Variants in CADM1 observed in about 807,000 individuals in gnomAD.
CADM1 encodes TSLC-1.
A neutral mutation model predicts 53.1 loss-of-function variants in CADM1; 15 were observed. The observed-to-expected ratio is 0.28, with a 90% CI of 0.19 to 0.44. The LOEUF (loss-of-function observed/expected upper bound fraction) is 0.44, where lower values mean the gene tolerates loss of function less well. CADM1 is among the 20% of genes least tolerant of loss of function. The probability of loss-of-function intolerance (pLI) is 1.00; values close to 1 mark genes in which losing one functional copy is unlikely to be tolerated. For synonymous variants in CADM1, 281 were observed against 243.0 expected (o/e 1.16, Z -1.45); for missense variants, 434 against 611.3 (o/e 0.71, Z 3.06).
intron 8 of CADM1, 140 bp downstream of exon 8, chr11:115,209,429 CATAGT>C: frequency 8.3e-7 from 1 of 1,202,418 alleles, no homozygotes; most frequent in Non-Finnish European, 1.2e-6. Context: ...AACTTAAGAA[CATAGT>C]ATCTAATGTC....
chr11:115,350,329 G>A (rs1945695593), intron 1 of CADM1, among the ~76,000 whole-genome samples: 1 of 152,140 alleles, frequency 6.6e-6, no homozygotes, highest in Admixed American at 6.5e-5. Context: ...GCAAATGCAT[G>A]CTATTGGTCA....
chr11:115,192,496 T>TA (rs1939925672), intron 9 of CADM1, among the ~76,000 whole-genome samples: 1 of 152,220 alleles, frequency 6.6e-6, no homozygotes, highest in South Asian at 2.1e-4. Flanking sequence ...TTATACATTG[T>TA]ATAAAGACTG....
intron 1 of CADM1, among the ~76,000 whole-genome samples, chr11:115,323,908 A>G (rs1442694879): frequency 1.4e-5 from 2 of 147,398 alleles, no homozygotes; most frequent in Non-Finnish European, 3.0e-5. Flanking sequence ...AAAAAGTGGG[A>G]TCAATCTAAT....
intron 1 of CADM1, among the ~76,000 whole-genome samples, chr11:115,264,545 A>G (rs1039409083): frequency 2.6e-5 from 4 of 152,184 alleles, no homozygotes; most frequent in African/African-American, 9.7e-5. Flanking sequence ...TCAGAGACCT[A>G]GTTTTTCCAT....
intron 1 of CADM1, among the ~76,000 whole-genome samples, chr11:115,434,863 A>T (rs11215555): frequency 0.55 from 70,124 of 128,260 alleles, 20,528 homozygotes; most frequent in Non-Finnish European, 0.67. Context: ...TATTATTATT[A>T]TTTTTTTTTT....
At chr11:115,417,292 C>T (rs1045299960) in intron 1 of CADM1, among the ~76,000 whole-genome samples, 1 of 152,134 alleles carries the variant, frequency 6.6e-6, no homozygotes, top group East Asian at 1.9e-4. Flanking sequence ...GGGAGCTCAC[C>T]GTTTACGGGA....
At position 115,380,085 on chromosome 11, in the gene CADM1, G is replaced by A. The variant is rs990830693; in HGVS notation, c.124+124186C>T. ...TTCCTAGGGTTTACAGCCCCTTCGCGTTTAAAACCAGAGCATCCAGATGCT... is the reference window on the plus strand; with the variant it reads ...TTCCTAGGGTTTACAGCCCCTTCGCATTTAAAACCAGAGCATCCAGATGCT... On this transcript the variant is annotated intron_variant, in intron 1 of 11. Coordinates refer to ENST00000331581, the MANE Select transcript of CADM1 (RefSeq NM_001301043.2). Among the ~76,000 whole-genome samples the A allele has an allele frequency of 2.6e-5, 4 of 152,060 alleles. 1 individual carries two copies. The highest frequency in any genetic ancestry group is 6.3e-3 in the Middle Eastern group (2 of 316).
intron 1 of CADM1, among the ~76,000 whole-genome samples, chr11:115,296,657 A>C (rs577140887): frequency 6.6e-6 from 1 of 152,298 alleles, no homozygotes; most frequent in Non-Finnish European, 1.5e-5. Context: ...CATGCCCTTA[A>C]ACTTCCTAGC....
chr11:115,283,439 T>C (rs1327633240), intron 1 of CADM1, among the ~76,000 whole-genome samples: 3 of 151,954 alleles, frequency 2.0e-5, no homozygotes, highest in African/African-American at 2.4e-5. Flanking sequence ...ATAGAAGGTA[T>C]TGGAAGGAAC....
At chr11:115,318,473 A>C (rs1055936553) in intron 1 of CADM1, among the ~76,000 whole-genome samples, 1 of 152,146 alleles carries the variant, frequency 6.6e-6, no homozygotes, top group African/African-American at 2.4e-5. Flanking sequence ...CTATTTGGGG[A>C]ATAGTGAATT....
chr11:115,175,664 GGGTATCTATACTGAGCC>G lies in CADM1; in HGVS notation c.*793_*809del, dbSNP rs1470805941. The G allele has an allele frequency of 8.1e-6, 8 of 985,952 alleles. No individual in the cohort carries two copies. Among genetic ancestry groups the G allele is most frequent in the Non-Finnish European group, 9.6e-6 (8 of 830,264 alleles). The allele number at this position is 985,952 out of a possible 1,614,324, so 61.1% of individuals were successfully genotyped here. Reference sequence around the variant, plus strand: ...GCCCCAAACCTTTCTGGACAGCGTAGGGTATCTATACTGAGCCGTCTACAGATACAGAATTAAAGACA... The same window carrying G: ...GCCCCAAACCTTTCTGGACAGCGTAGGTCTACAGATACAGAATTAAAGACA... On this transcript the variant is annotated 3_prime_UTR_variant, in exon 12 of 12. Coordinates refer to ENST00000331581, the MANE Select transcript of CADM1 (RefSeq NM_001301043.2).
chr11:115,282,384 G>A (rs189742206), intron 1 of CADM1, among the ~76,000 whole-genome samples: 88 of 152,222 alleles, frequency 5.8e-4, no homozygotes, highest in Non-Finnish European at 1.1e-3. Flanking sequence ...AAAATGTGAC[G>A]TGATGACCTA....
chr11:115,182,964 T>C (rs1939380635), intron 10 of CADM1, among the ~76,000 whole-genome samples: 1 of 152,186 alleles, frequency 6.6e-6, no homozygotes, highest in Admixed American at 6.5e-5. Context: ...GGGTCACAGC[T>C]TCAACAACCC....
At chr11:115,271,561 C>T (rs1353332753) in intron 1 of CADM1, among the ~76,000 whole-genome samples, 1 of 152,194 alleles carries the variant, frequency 6.6e-6, no homozygotes, top group Non-Finnish European at 1.5e-5. Flanking sequence ...GGATTACAGG[C>T]GTGAGCCACC....
intron 1 of CADM1, among the ~76,000 whole-genome samples, chr11:115,245,971 A>C (rs1048204739): frequency 6.6e-6 from 1 of 152,230 alleles, no homozygotes; most frequent in Non-Finnish European, 1.5e-5. Flanking sequence ...AAAATAAATT[A>C]TTCGAAGTTC....
intron 1 of CADM1, among the ~76,000 whole-genome samples, chr11:115,302,545 A>G (rs4938198): frequency 0.053 from 8,011 of 152,182 alleles, 301 homozygotes; most frequent in East Asian, 0.14. Flanking sequence ...TGTGAAGTTT[A>G]TAGTATGTGT....
At chr11:115,196,256 A>C (rs1022882770) in intron 9 of CADM1, among the ~76,000 whole-genome samples, 6 of 152,146 alleles carry the variant, frequency 3.9e-5, no homozygotes, top group African/African-American at 1.2e-4. Context: ...GACCCGATTA[A>C]AACTAGTACT....
chr11:115,334,870 C>A (rs1046633914), intron 1 of CADM1, among the ~76,000 whole-genome samples: 13 of 152,114 alleles, frequency 8.5e-5, no homozygotes, highest in African/African-American at 3.1e-4. Context: ...AGACTGGCCC[C>A]AAACCAATGT....
At position 115,191,348 on chromosome 11, in the gene CADM1, C is replaced by T. The variant is rs531511901; in HGVS notation, c.1112-407G>A. Among the ~76,000 whole-genome samples the T allele has an allele frequency of 1.5e-4, 23 of 152,220 alleles. No individual in the cohort carries two copies. The South Asian group carries it at 3.1e-3, about 21-fold the overall frequency. The stretch of plus-strand genomic sequence containing the variant: ...TCGCATTTTACTGTAAATTGAAATC[C>T]GCTGCCAATACTGACAAACACAGTT... On this transcript the variant is annotated intron_variant, in intron 9 of 11. Transcript: ENST00000331581.
Sources: gnomAD v4.1 joint callset for allele counts (sites outside exome capture counted in the v4.1 genomes callset) on GRCh38, gnomAD v4.1.1 for gene constraint, MANE v1.5 for transcripts, NCBI Gene and HGNC (gene_info 2026-07-23, HGNC 2026-07-21) for gene names.